The following PFKFB3 variants were observed in gnomAD, a reference collection of about 807,000 sequenced individuals.
The protein encoded by PFKFB3 is 6-phosphofructo-2-kinase/fructose-2,6-biphosphatase 3.
In PFKFB3, 33 loss-of-function variants were observed where a neutral mutation model predicts 68.0. The observed-to-expected ratio is 0.49, with a 90% confidence interval of 0.37 to 0.65. The LOEUF is 0.65. Ranked by LOEUF, PFKFB3 falls within the 30% of genes least tolerant of loss-of-function variation. The probability of loss-of-function intolerance (pLI) is 0.00; values close to 1 mark genes in which losing one functional copy is unlikely to be tolerated. For synonymous variants in PFKFB3, 315 were observed against 288.2 expected, an observed-to-expected ratio of 1.09 and a Z score of -0.94; for missense variants, 586 against 712.2, an observed-to-expected ratio of 0.82 and a Z score of 2.02.
chr10:6,278,683 A>C, the PFKFB3 span, among the ~76,000 whole-genome samples: 417 of 152,368 alleles, frequency 2.7e-3, 4 homozygotes, highest in African/African-American at 9.8e-3. Context: ...TTAAAGCTAA[A>C]GTGGATACTA....
chr10:6,254,262 G>T lies in PFKFB3; in HGVS notation c.1600G>T (p.Glu534Ter), dbSNP rs1846452605. The T allele has an allele frequency of 2.5e-6, 1 of 398,614 alleles. No homozygotes were observed. The highest frequency in any genetic ancestry group is 4.4e-6 in the Non-Finnish European group (1 of 226,088). 24.7% of individuals were successfully genotyped at this position (398,614 alleles called of 1,614,324 possible). The change falls in exon 15 of 15, where the codon GAG becomes TAG. Residue 534 changes from glutamate (E) to a stop codon, truncating the protein, a stop_gained. Coordinates refer to the PFKFB3 transcript ENST00000640683. LOFTEE classifies it low-confidence loss of function (END_TRUNC). ...GCAGAGCATTCTCTGGATACCCAGA[G>T]AGGTGACCGTGGCATCCAGGAGTGG...
intron 1 of PFKFB3, among the ~76,000 whole-genome samples, chr10:6,164,767 G>A (rs1292622438): frequency 1.3e-5 from 2 of 152,136 alleles, no homozygotes; most frequent in Non-Finnish European, 1.5e-5. Context: ...TCAAGGAAAG[G>A]TACTGTGCCC....
rs899495236 is a variant in PFKFB3, at chr10:6,229,337, C to T, written c.1515+2972C>T. 3.3e-5 allele frequency among the ~76,000 whole-genome samples: 5 copies of T among 152,334 alleles called. No individual in the cohort carries two copies. Among genetic ancestry groups the T allele is most frequent in the Non-Finnish European group, 5.9e-5 (4 of 68,034 alleles). ...TGAGGGGCTGAGTGACCGGCCCGTGCTTCCAGCAGGTGAGCCGCAGAGCCG... is the reference window on the plus strand; with the variant it reads ...TGAGGGGCTGAGTGACCGGCCCGTGTTTCCAGCAGGTGAGCCGCAGAGCCG... On this transcript the variant is annotated intron_variant, in intron 14 of 14. Transcript: ENST00000379775. This position sits in a 1 kb window ranked among gnomAD's most constrained non-coding sequence, Gnocchi z 4.3.
At chr10:6,250,347 C>T (rs190562868) in intron 14 of PFKFB3, among the ~76,000 whole-genome samples, 24 of 152,134 alleles carry the variant, frequency 1.6e-4, no homozygotes, top group Admixed American at 2.0e-4. Flanking sequence ...GGGCAGATCA[C>T]GAGATCAGGC....
At chr10:6,238,324 C>G (rs1160640582), downstream of PFKFB3, among the ~76,000 whole-genome samples, 1 of 151,606 alleles carries the variant, frequency 6.6e-6, no homozygotes, top group East Asian at 1.9e-4. Context: ...GCCACTAAGC[C>G]CGGCTAAGTT....
chr10:6,177,421 C>CT (rs1564599778), intron 1 of PFKFB3, among the ~76,000 whole-genome samples: 4 of 78,898 alleles, frequency 5.1e-5, no homozygotes, highest in African/African-American at 1.3e-4. Context: ...CTTTCTCTTT[C>CT]TTCCTTTCTT....
Position 6,155,205 on chromosome 10 carries a change from C to CT in PFKFB3, c.16+10207dup, listed in dbSNP as rs55673645. Among the ~76,000 whole-genome samples the CT allele has an allele frequency of 3.5e-3, 466 of 132,360 alleles. 9 individuals carry two copies. The highest frequency in any genetic ancestry group is 5.1e-3 in the Admixed American group (64 of 12,472). The allele number at this position is 132,360 out of a possible 152,430, so 86.8% of individuals were successfully genotyped here. A position where few individuals can be genotyped will look rare whatever the true frequency, so the allele number is the denominator to read the frequency against. On this transcript the variant is annotated intron_variant, in intron 1 of 14. Transcript: ENST00000379789. ...GAGAAAAGCACTTACGAGTTTTTTT[C>CT]TTTTTTTTTTTTTTTGAGACGGAGT... is the stretch of plus-strand genomic sequence containing the variant.
At chr10:6,320,544 A>G in the PFKFB3 span, among the ~76,000 whole-genome samples, 1,014 of 151,898 alleles carry the variant, frequency 6.7e-3, 18 homozygotes, top group African/African-American at 0.023. Flanking sequence ...GCTTCCTGAG[A>G]TCAATTGAGC....
At chr10:6,214,228 G>A (rs1180715355) in intron 2 of PFKFB3, among the ~76,000 whole-genome samples, 2 of 152,206 alleles carry the variant, frequency 1.3e-5, no homozygotes, top group African/African-American at 4.8e-5. Context: ...CTGATCAGTG[G>A]TGGCATTAGA....
At chr10:6,225,015 C>A in intron 13 of PFKFB3, 1 of 419,190 alleles carries the variant, frequency 2.4e-6, no homozygotes, top group South Asian at 1.7e-5. Context: ...TTCAGGAGAC[C>A]TCGAGGCCTG....
At chr10:6,272,332 A>G in the PFKFB3 span, among the ~76,000 whole-genome samples, 1 of 152,162 alleles carries the variant, frequency 6.6e-6, no homozygotes. Context: ...CCCTATTAGG[A>G]CATCGGGGTT....
At chr10:6,179,061 C>T (rs939730792) in intron 1 of PFKFB3, among the ~76,000 whole-genome samples, 2 of 152,226 alleles carry the variant, frequency 1.3e-5, no homozygotes, top group African/African-American at 4.8e-5. Context: ...TTCAAAGTGC[C>T]CAACACGTGC....
At chr10:6,195,963 T>C (rs1254252469) in intron 1 of PFKFB3, among the ~76,000 whole-genome samples, 2 of 152,148 alleles carry the variant, frequency 1.3e-5, no homozygotes, top group Non-Finnish European at 2.9e-5. Context: ...CCTCCCCTTG[T>C]TTTCAAGACT....
chr10:6,262,631 A>G, the PFKFB3 span, among the ~76,000 whole-genome samples: 1 of 152,170 alleles, frequency 6.6e-6, no homozygotes, highest in Non-Finnish European at 1.5e-5. Context: ...CAAGTTAGGA[A>G]AACAGAAATC....
At chr10:6,239,634 G>T (rs1846096385), downstream of PFKFB3, among the ~76,000 whole-genome samples, 1 of 152,174 alleles carries the variant, frequency 6.6e-6, no homozygotes, top group Non-Finnish European at 1.5e-5. Context: ...CTTCCAGACA[G>T]CATCTTTGGG....
At position 6,210,389 on chromosome 10, in the gene PFKFB3, T is replaced by G. The variant is rs7898543; in HGVS notation, c.77-3234T>G. On this transcript the variant is annotated intron_variant, in intron 1 of 14. Coordinates refer to ENST00000379775, the MANE Select transcript of PFKFB3 (RefSeq NM_004566.4). ...GTTTTTTTTTTTTTTGAGACGAAGTTTCGCTCTGTCACCCAGGCTGGAGTG... is the reference window on the plus strand; with the variant it reads ...GTTTTTTTTTTTTTTGAGACGAAGTGTCGCTCTGTCACCCAGGCTGGAGTG... Among the ~76,000 whole-genome samples, 2 of 90,876 alleles carry G rather than the reference T, an allele frequency of 2.2e-5. 1 individual carries two copies. Among genetic ancestry groups the G allele is most frequent in the East Asian group, 5.5e-4 (2 of 3,604 alleles). The allele number at this position is 90,876 out of a possible 152,430, so 59.6% of individuals were successfully genotyped here.
intron 1 of PFKFB3, among the ~76,000 whole-genome samples, chr10:6,167,035 G>A (rs1194943175): frequency 2.0e-5 from 3 of 152,076 alleles, no homozygotes; most frequent in Admixed American, 6.5e-5. Context: ...CTCCATGTTG[G>A]TCAGGAACTC....
chr10:6,179,361 C>A (rs757073876), intron 1 of PFKFB3, among the ~76,000 whole-genome samples: 10 of 152,222 alleles, frequency 6.6e-5, no homozygotes, highest in Non-Finnish European at 1.2e-4. Flanking sequence ...CCACACAAAT[C>A]CAAATAAGGG....
chr10:6,227,711 C>T (rs1020927496), intron 14 of PFKFB3, among the ~76,000 whole-genome samples: 8 of 152,186 alleles, frequency 5.3e-5, no homozygotes, highest in Admixed American at 5.2e-4. Context: ...ATGAGTGCAG[C>T]AATTTAATTG....
Sources: allele counts gnomAD v4.1 joint callset (sites outside exome capture counted in the v4.1 genomes callset), GRCh38; gene constraint gnomAD v4.1.1; non-coding constraint Gnocchi (gnomAD v3.1); transcripts MANE v1.5; gene names NCBI Gene and HGNC (gene_info 2026-07-23, HGNC 2026-07-21).